CAB39: variants seen among roughly 807,000 people sequenced by gnomAD.
The protein encoded by CAB39 is calcium binding protein 39.
Under a neutral mutation model 40.0 loss-of-function variants are expected in CAB39, and 8 were observed. The observed-to-expected ratio is 0.20, with a 90% CI of 0.12 to 0.36. The LOEUF (loss-of-function observed/expected upper bound fraction) is 0.36, where lower values mean the gene tolerates loss of function less well. Among genes scored for constraint, CAB39 ranks in the 10% least tolerant of loss-of-function variants. The probability of loss-of-function intolerance (pLI) is 1.00; values close to 1 mark genes in which losing one functional copy is unlikely to be tolerated. For missense variants in CAB39, 270 were observed against 401.1 expected, an observed-to-expected ratio of 0.67 and a Z score of 2.79; for synonymous variants, 156 against 141.6, an observed-to-expected ratio of 1.10 and a Z score of -0.72.
chr2:230,764,824 CAA>C (rs1488766345), intron 2 of CAB39, among the ~76,000 whole-genome samples: 1 of 152,174 alleles, frequency 6.6e-6, no homozygotes, highest in African/African-American at 2.4e-5. Context: ...AATAATCACA[CAA>C]GGGCTTTTCT....
At chr2:230,792,068 T>C (rs897810960) in intron 3 of CAB39, among the ~76,000 whole-genome samples, 3 of 152,198 alleles carry the variant, frequency 2.0e-5, no homozygotes, top group African/African-American at 7.2e-5. Context: ...TGAGAGGGTA[T>C]GGTTCATAAG....
At chr2:230,764,589 G>C (rs1018784200) in intron 2 of CAB39, among the ~76,000 whole-genome samples, 1 of 152,172 alleles carries the variant, frequency 6.6e-6, no homozygotes, top group Non-Finnish European at 1.5e-5. Flanking sequence ...TAACACCACT[G>C]ATCTCATTAG....
chr2:230,725,682 T>C (rs1436290036), intron 1 of CAB39, among the ~76,000 whole-genome samples: 2 of 152,150 alleles, frequency 1.3e-5, no homozygotes, highest in Non-Finnish European at 2.9e-5. Flanking sequence ...GAATGTAGAA[T>C]CATCCTGGAA....
intron 1 of CAB39, among the ~76,000 whole-genome samples, chr2:230,720,326 G>A (rs1038777684): frequency 6.6e-6 from 1 of 152,184 alleles, no homozygotes; most frequent in African/African-American, 2.4e-5. Context: ...AGATCACAGG[G>A]TTCTTTGCAG....
chr2:230,748,826 AAAAAAATATATATATATATATATATATAT>A (rs1398381721), intron 1 of CAB39, among the ~76,000 whole-genome samples: 2 of 70,578 alleles, frequency 2.8e-5, no homozygotes, highest in Non-Finnish European at 5.3e-5. Context: ...AAAAAAAAAA[AAAAAAATATATATATATATATATATATAT>A]ATATATATAT....
rs1293125360 is a variant in CAB39, at chr2:230,790,860, C to T, written c.115-12C>T. 2 of 1,591,724 alleles carry T rather than the reference C, an allele frequency of 1.3e-6. No individual in the cohort carries two copies. Among genetic ancestry groups the T allele is most frequent in the South Asian group, 1.2e-5 (1 of 86,906 alleles). On this transcript the variant is annotated splice_polypyrimidine_tract_variant and intron_variant, in intron 2 of 8. Transcript: ENST00000258418. ...TTTTTCTCCTCTTCCCAACTCCTCTCTCTAAAATTAGGCTACAGAAGAAGT... is the reference window on the plus strand; with the variant it reads ...TTTTTCTCCTCTTCCCAACTCCTCTTTCTAAAATTAGGCTACAGAAGAAGT...
At position 230,731,439 on chromosome 2, in the gene CAB39, C is replaced by T. The variant is rs147833307; in HGVS notation, c.-44+18209C>T. Among the ~76,000 whole-genome samples, 28 of 152,254 alleles carry T rather than the reference C, an allele frequency of 1.8e-4. No homozygotes were observed. In the East Asian group the frequency reaches 5.2e-3, roughly 28 times the overall value. On this transcript the variant is annotated intron_variant, in intron 1 of 8. Coordinates refer to ENST00000258418, the MANE Select transcript of CAB39 (RefSeq NM_016289.4). Reference sequence around the variant, plus strand: ...ATCTTCGGTGTCTTAAAAAATCTAGCTGTTTTATTGATTGTGGTGGTGATT... The same window carrying T: ...ATCTTCGGTGTCTTAAAAAATCTAGTTGTTTTATTGATTGTGGTGGTGATT...
chr2:230,815,760 G>GAT (rs1405766455), intron 7 of CAB39, among the ~76,000 whole-genome samples: 3 of 152,202 alleles, frequency 2.0e-5, no homozygotes, highest in African/African-American at 7.2e-5. Context: ...CTTAGGAATG[G>GAT]ATATAAAGCA....
At chr2:230,753,037 A>T (rs1054034453) in intron 1 of CAB39, among the ~76,000 whole-genome samples, 1 of 152,192 alleles carries the variant, frequency 6.6e-6, no homozygotes, top group African/African-American at 2.4e-5. Flanking sequence ...ATATAGGGTG[A>T]GGTGACAGCC....
intron 1 of CAB39, among the ~76,000 whole-genome samples, chr2:230,752,441 G>A (rs1279631891): frequency 6.6e-6 from 1 of 152,162 alleles, no homozygotes; most frequent in African/African-American, 2.4e-5. Context: ...TTCAGAGTCT[G>A]AGGAGGGCTG....
intron 1 of CAB39, among the ~76,000 whole-genome samples, chr2:230,740,175 C>G (rs1247643275): frequency 6.6e-6 from 1 of 152,120 alleles, no homozygotes; most frequent in African/African-American, 2.4e-5. Flanking sequence ...GTTAGGTGGC[C>G]TGGTGGCCTC....
intron 1 of CAB39, among the ~76,000 whole-genome samples, chr2:230,742,466 C>T (rs541595528): frequency 6.6e-6 from 1 of 151,562 alleles, no homozygotes; most frequent in African/African-American, 2.4e-5. Context: ...TGAGCCCCCA[C>T]GCCTGGCCAA....
chr2:230,766,892 C>T (rs536873925), intron 2 of CAB39, among the ~76,000 whole-genome samples: 1 of 152,096 alleles, frequency 6.6e-6, no homozygotes, highest in South Asian at 2.1e-4. Context: ...CCAACCATAT[C>T]TAGAAAATGT....
chr2:230,724,360 A>T (rs1180103067), intron 1 of CAB39, among the ~76,000 whole-genome samples: 1 of 152,048 alleles, frequency 6.6e-6, no homozygotes, highest in Non-Finnish European at 1.5e-5. Context: ...GTTTTAGCAC[A>T]GGTATGTTAG....
At chr2:230,808,843 A>G (rs961432872) in intron 5 of CAB39, among the ~76,000 whole-genome samples, 1 of 152,244 alleles carries the variant, frequency 6.6e-6, no homozygotes, top group Non-Finnish European at 1.5e-5. Flanking sequence ...TTTTCCAGAC[A>G]TGTTCCCTGA....
At chr2:230,799,763 G>A (rs901952143) in intron 5 of CAB39, among the ~76,000 whole-genome samples, 3 of 152,182 alleles carry the variant, frequency 2.0e-5, no homozygotes, top group African/African-American at 7.2e-5. Context: ...GGCTGAGGCG[G>A]GCGGATGACC....
chr2:230,807,039 A>G (rs943234534), intron 5 of CAB39, among the ~76,000 whole-genome samples: 3 of 152,078 alleles, frequency 2.0e-5, no homozygotes, highest in Non-Finnish European at 4.4e-5. Flanking sequence ...CTTCCATTAT[A>G]TGAGGGCCTG....
At chr2:230,749,704 C>T in intron 1 of CAB39, among the ~76,000 whole-genome samples, 1 of 152,126 alleles carries the variant, frequency 6.6e-6, no homozygotes, top group East Asian at 1.9e-4. Context: ...GTTCTATTTG[C>T]TGAGAATTCT....
intron 1 of CAB39, among the ~76,000 whole-genome samples, chr2:230,750,941 T>A (rs996939803): frequency 4.6e-5 from 7 of 152,236 alleles, no homozygotes; most frequent in Middle Eastern, 3.2e-3. Context: ...AAAACCCGTG[T>A]AATTAACTAT....
Sources: allele counts gnomAD v4.1 joint callset (sites outside exome capture counted in the v4.1 genomes callset), GRCh38; gene constraint gnomAD v4.1.1; transcripts MANE v1.5; gene names NCBI Gene and HGNC (gene_info 2026-07-23, HGNC 2026-07-21).